Variants in BIRC6 observed in about 807,000 individuals in gnomAD.
BIRC6 encodes the protein baculoviral IAP repeat containing 6, also known as dual E2 ubiquitin-conjugating enzyme/E3 ubiquitin-protein ligase BIRC6.
Under a neutral mutation model 503.3 loss-of-function variants are expected in BIRC6, and 98 were observed. The ratio of observed to expected loss-of-function variants is 0.19; its 90% CI spans 0.17 to 0.23. The LOEUF is 0.23. BIRC6 is among the 10% of genes least tolerant of loss of function. The pLI is 1.00. For synonymous variants in BIRC6, 2,240 were observed against 2,078.7 expected (o/e 1.08, Z -2.11); for missense variants, 5,360 against 5,806.0 (o/e 0.92, Z 2.50).
intron 46 of BIRC6, among the ~76,000 whole-genome samples, 193 bp downstream of exon 46, chr2:32,500,302 T>C (rs544718070): frequency 6.6e-6 from 1 of 152,270 alleles, no homozygotes; most frequent in African/African-American, 2.4e-5. Flanking sequence ...TATTGACAAA[T>C]GTCATGTCAG....
At chr2:32,446,593 A>G (rs1457859934) in intron 21 of BIRC6, among the ~76,000 whole-genome samples, 1 of 152,110 alleles carries the variant, frequency 6.6e-6, no homozygotes, top group East Asian at 1.9e-4. Context: ...TGCAGGTGGC[A>G]GTCTTAGTAC....
intron 53 of BIRC6, among the ~76,000 whole-genome samples, chr2:32,512,518 A>G (rs2054550318): frequency 6.6e-6 from 1 of 152,182 alleles, no homozygotes; most frequent in Admixed American, 6.5e-5. Context: ...CCATCTTATA[A>G]AAATTATACT....
intron 63 of BIRC6, among the ~76,000 whole-genome samples, chr2:32,547,037 G>A (rs1163081666): frequency 2.6e-5 from 4 of 152,132 alleles, no homozygotes; most frequent in Non-Finnish European, 5.9e-5. Context: ...ATATGATAGT[G>A]CAATAATATT....
intron 23 of BIRC6, among the ~76,000 whole-genome samples, chr2:32,459,830 A>G (rs1243114330): frequency 1.3e-5 from 2 of 151,732 alleles, no homozygotes; most frequent in Non-Finnish European, 1.5e-5. Context: ...ATGTTGTTAT[A>G]AGCGATCTTC....
At chr2:32,434,189 T>G (rs1254243183) in intron 13 of BIRC6, among the ~76,000 whole-genome samples, 2 of 152,212 alleles carry the variant, frequency 1.3e-5, no homozygotes, top group Admixed American at 1.3e-4. Context: ...CATGTAATGC[T>G]AAAAATACAC....
Position 32,453,946 on chromosome 2 carries a change from C to A in BIRC6, c.4753+4C>A. 1.2e-6 allele frequency: 2 copies of A among 1,610,132 alleles called. No homozygotes were observed. Among genetic ancestry groups the A allele is most frequent in the Non-Finnish European group, 1.7e-6 (2 of 1,176,720 alleles). ...AGAATAGAAAGGGATGATGCAAGTACGTTTACTGGTATATACCTTCTTTTA... is the reference window on the plus strand; with the variant it reads ...AGAATAGAAAGGGATGATGCAAGTAAGTTTACTGGTATATACCTTCTTTTA... On this transcript the variant is annotated splice_donor_region_variant and intron_variant, in intron 23 of 73. Transcript: ENST00000421745.
chr2:32,545,801 C>G lies in BIRC6; in HGVS notation c.12751C>G (p.Leu4251Val). ...AGCCTTACACCTCATTCTTGTCTGT[C>G]TCTCTGCTTTGAGCCACCATTCCCC... ...IGALHLILVC[L>V]SALSHHSPRV... is the part of the protein sequence containing the mutation. The change falls in exon 63 of 74, where the codon CTC becomes GTC. Residue 4251 changes from leucine to valine, a missense_variant. By Grantham distance (32) the Leu-to-Val change is conservative (BLOSUM62 1). Around this residue, in one of 16 missense-constraint regions of BIRC6, gnomAD observed 477 missense variants for 574.4 expected, o/e 0.83. Coordinates refer to ENST00000421745, the MANE Select transcript of BIRC6 (RefSeq NM_016252.4). 6.2e-7 allele frequency: 1 copy of G among 1,613,928 alleles called. No individual in the cohort carries two copies. The highest frequency in any genetic ancestry group is 8.5e-7 in the Non-Finnish European group (1 of 1,179,858).
chr2:32,391,391 G>A (rs1017129009), intron 4 of BIRC6, among the ~76,000 whole-genome samples: 1 of 152,108 alleles, frequency 6.6e-6, no homozygotes, highest in African/African-American at 2.4e-5. Flanking sequence ...GTAATATAAC[G>A]AAATGAGATA....
At chr2:32,408,760 T>C (rs966317579) in intron 9 of BIRC6, among the ~76,000 whole-genome samples, 5 of 152,244 alleles carry the variant, frequency 3.3e-5, no homozygotes, top group Admixed American at 1.3e-4. Flanking sequence ...CGACTACATA[T>C]AGCACTTCAT....
intron 2 of BIRC6, chr2:32,378,947 A>G (rs960598735): frequency 3.3e-5 from 5 of 152,164 alleles, no homozygotes; most frequent in African/African-American, 1.2e-4. Flanking sequence ...TGGATTTTGC[A>G]TCACCTTAAA....
At chr2:32,364,331 C>T (rs889122345) in intron 1 of BIRC6, among the ~76,000 whole-genome samples, 2 of 152,102 alleles carry the variant, frequency 1.3e-5, no homozygotes, top group East Asian at 1.9e-4. Flanking sequence ...TCTCTGCCTC[C>T]CGGGTTCAAG....
chr2:32,475,629 A>G (rs755897247), intron 33 of BIRC6, among the ~76,000 whole-genome samples: 1 of 152,206 alleles, frequency 6.6e-6, no homozygotes, highest in Admixed American at 6.5e-5. Context: ...AATTCTGTCA[A>G]TGTCAATACC....
At position 32,496,770 on chromosome 2, in the gene BIRC6, G is replaced by A. The variant is rs116448099; in HGVS notation, c.8469-2777G>A. ...TTGAGTGAGATTGCATCATTCTGTA[G>A]ATCAGTTTGGGCAGATGTATTGCTT... On this transcript the variant is annotated intron_variant, in intron 45 of 73. Coordinates refer to ENST00000421745, the MANE Select transcript of BIRC6 (RefSeq NM_016252.4). Among the ~76,000 whole-genome samples, 346 of 152,166 alleles carry A rather than the reference G, an allele frequency of 2.3e-3. 5 individuals carry two copies. Among genetic ancestry groups the A allele is most frequent in the Non-Finnish European group, 1.3e-3 (87 of 68,014 alleles).
intron 1 of BIRC6, among the ~76,000 whole-genome samples, chr2:32,369,396 A>G (rs1302741451): frequency 1.3e-5 from 2 of 151,852 alleles, no homozygotes; most frequent in African/African-American, 4.8e-5. Context: ...GTTGCTTCTC[A>G]CATTGGCACC....
intron 23 of BIRC6, among the ~76,000 whole-genome samples, chr2:32,455,097 G>C (rs1010646218): frequency 6.6e-6 from 1 of 151,878 alleles, no homozygotes; most frequent in African/African-American, 2.4e-5. Flanking sequence ...AATTATCCTG[G>C]GCCTGGCGCG....
At chr2:32,473,879 G>A (rs1442084409) in intron 33 of BIRC6, among the ~76,000 whole-genome samples, 3 of 150,664 alleles carry the variant, frequency 2.0e-5, no homozygotes, top group South Asian at 2.1e-4. Flanking sequence ...TTAGCTTTCC[G>A]AGTAGCTGGG....
chr2:32,585,968 C>T (rs1043700491), intron 66 of BIRC6, among the ~76,000 whole-genome samples: 1 of 152,142 alleles, frequency 6.6e-6, no homozygotes, highest in African/African-American at 2.4e-5. Flanking sequence ...TAGAATGTTA[C>T]ATTACAAACT....
At chr2:32,491,959 TTAGCAAAAGATA>T (rs1278186322) in intron 44 of BIRC6, among the ~76,000 whole-genome samples, 2 of 152,142 alleles carry the variant, frequency 1.3e-5, no homozygotes, top group Non-Finnish European at 2.9e-5. Context: ...ATGATTTTGC[TTAGCAAAAGATA>T]ACAATATTGC....
intron 51 of BIRC6, among the ~76,000 whole-genome samples, chr2:32,509,501 C>A (rs146963006): frequency 6.6e-6 from 1 of 152,234 alleles, no homozygotes; most frequent in South Asian, 2.1e-4. Flanking sequence ...CATCCACCTG[C>A]CTCGGCCTCC....
Sources: gnomAD v4.1 joint callset for allele counts (sites outside exome capture counted in the v4.1 genomes callset) on GRCh38, gnomAD v4.1.1 for gene constraint, gnomAD v4.1.1 regional missense constraint, MANE v1.5 for transcripts, NCBI Gene and HGNC (gene_info 2026-07-23, HGNC 2026-07-21) for gene names.